The following MDGA2 variants were observed in gnomAD, a reference collection of about 807,000 sequenced individuals.
MDGA2 encodes MAM domain-containing glycosylphosphatidylinositol anchor protein 2.
MDGA2 carries 40 observed loss-of-function variants against 117.8 expected under a neutral mutation model. The observed-to-expected ratio is 0.34, with a 90% CI of 0.26 to 0.44. The LOEUF is 0.44. Ranked by LOEUF, MDGA2 falls within the 20% of genes least tolerant of loss-of-function variation. The pLI is 1.00. For missense variants in MDGA2, 1,123 were observed against 1,250.6 expected (o/e 0.90, Z 1.54); for synonymous variants, 452 against 439.0 (o/e 1.03, Z -0.37).
At chr14:47,272,183 C>T (rs898861140) in intron 2 of MDGA2, among the ~76,000 whole-genome samples, 3 of 151,866 alleles carry the variant, frequency 2.0e-5, no homozygotes, top group East Asian at 2.0e-4. Context: ...TTGTTAATTT[C>T]GTTGAGACCT....
intron 1 of MDGA2, among the ~76,000 whole-genome samples, chr14:47,612,571 T>G (rs1031047851): frequency 5.9e-5 from 9 of 152,172 alleles, no homozygotes; most frequent in Admixed American, 1.3e-4. Flanking sequence ...TGATCTGTCT[T>G]TCAACTTCTC....
chr14:47,335,745 T>TATATATATATATATACACACATAC, intron 1 of MDGA2, among the ~76,000 whole-genome samples: 1 of 95,544 alleles, frequency 1.0e-5, no homozygotes, highest in African/African-American at 4.3e-5. Flanking sequence ...TATATATATA[T>TATATATATATATATACACACATAC]ATACATACAT....
rs1048997606 is a variant in MDGA2 at position 47,318,419 on chromosome 14, C to T, written c.281-16869G>A. ...CCTTTCCACTAATCTAATTGCTTAC[C>T]TAAAACTCAGCTCCAGTGTCCCCTC... On this transcript the variant is annotated intron_variant, in intron 1 of 16. Coordinates refer to ENST00000399232, the MANE Select transcript of MDGA2 (RefSeq NM_001113498.3). Among the ~76,000 whole-genome samples, 44 of 152,030 alleles carry T rather than the reference C, an allele frequency of 2.9e-4. 1 individual carries two copies. The highest frequency in any genetic ancestry group is 7.4e-5 in the Non-Finnish European group (5 of 68,012).
At chr14:47,496,801 C>T (rs1035003763) in intron 1 of MDGA2, among the ~76,000 whole-genome samples, 1 of 150,938 alleles carries the variant, frequency 6.6e-6, no homozygotes, top group Admixed American at 6.6e-5. Context: ...TACATATATG[C>T]TCAGTAAAAT....
At chr14:47,380,827 T>A (rs990444330) in intron 1 of MDGA2, among the ~76,000 whole-genome samples, 35 of 151,860 alleles carry the variant, frequency 2.3e-4, no homozygotes, top group African/African-American at 8.5e-4. Flanking sequence ...TTCCAATGAA[T>A]AGAAAAAGAG....
At chr14:47,162,884 AAATCTAGCACGT>A (rs1344001561) in intron 3 of MDGA2, among the ~76,000 whole-genome samples, 1 of 152,218 alleles carries the variant, frequency 6.6e-6, no homozygotes, top group Admixed American at 6.5e-5. Flanking sequence ...CAGTATCACC[AAATCTAGCACGT>A]ATATGTGTAT....
At chr14:47,155,470 C>T (rs1220639533) in intron 3 of MDGA2, among the ~76,000 whole-genome samples, 1 of 152,114 alleles carries the variant, frequency 6.6e-6, no homozygotes, top group Non-Finnish European at 1.5e-5. Flanking sequence ...CAGTTCCTCG[C>T]GTCTCCAAGA....
intron 1 of MDGA2, among the ~76,000 whole-genome samples, chr14:47,405,505 T>A (rs1892242801): frequency 6.6e-6 from 1 of 152,196 alleles, no homozygotes; most frequent in Non-Finnish European, 1.5e-5. Context: ...AGGGGAGTAG[T>A]AATGTTAAGC....
chr14:47,618,609 G>C (rs935435713), intron 1 of MDGA2, among the ~76,000 whole-genome samples: 1 of 152,040 alleles, frequency 6.6e-6, no homozygotes, highest in Non-Finnish European at 1.5e-5. Flanking sequence ...TCTGAATGCC[G>C]CATCTAATAT....
At chr14:46,997,679 A>G (rs1887345701) in intron 8 of MDGA2, among the ~76,000 whole-genome samples, 1 of 152,148 alleles carries the variant, frequency 6.6e-6, no homozygotes, top group African/African-American at 2.4e-5. Flanking sequence ...GCTGCCAAAA[A>G]TGCATTTATA....
chr14:47,069,640 T>G (rs185373630), intron 6 of MDGA2, among the ~76,000 whole-genome samples: 19 of 152,316 alleles, frequency 1.2e-4, no homozygotes, highest in African/African-American at 4.3e-4. Flanking sequence ...TTGCCGTAAT[T>G]AGAAGCCATG....
rs548181019 is a variant in MDGA2 at position 47,333,101 on chromosome 14, A to G, written c.281-31551T>C. ...TTGCTGTTGTGAATATTGCTGCGAT[A>G]AACATACCAAATGCAGGTAACTTTT... On this transcript the variant is annotated intron_variant, in intron 1 of 16. Transcript: ENST00000399232. 2.4e-4 allele frequency among the ~76,000 whole-genome samples: 36 copies of G among 151,082 alleles called. No individual in the cohort carries two copies. The Middle Eastern group carries it at 0.01, about 44-fold the overall frequency.
At chr14:47,424,758 T>G (rs1321368635) in intron 1 of MDGA2, among the ~76,000 whole-genome samples, 5 of 152,206 alleles carry the variant, frequency 3.3e-5, no homozygotes, top group Non-Finnish European at 7.3e-5. Context: ...ATGTTTCTCT[T>G]TTCCATAAGA....
chr14:47,617,351 C>G (rs1372788195), intron 1 of MDGA2, among the ~76,000 whole-genome samples: 2 of 151,796 alleles, frequency 1.3e-5, no homozygotes, highest in Non-Finnish European at 1.5e-5. Context: ...ATTACAGGTG[C>G]CCACCACCAC....
intron 1 of MDGA2, among the ~76,000 whole-genome samples, chr14:47,596,314 A>G (rs1450630992): frequency 6.6e-6 from 1 of 152,218 alleles, no homozygotes; most frequent in Non-Finnish European, 1.5e-5. Flanking sequence ...ACTAACTTTA[A>G]GCATTTGACT....
At chr14:47,651,554 T>A (rs570996400) in intron 1 of MDGA2, among the ~76,000 whole-genome samples, 1 of 152,012 alleles carries the variant, frequency 6.6e-6, no homozygotes, top group Non-Finnish European at 1.5e-5. Flanking sequence ...GGCTTTCAAA[T>A]CAGAAGAGTG....
chr14:47,457,714 T>TA (rs1566466701), intron 1 of MDGA2, among the ~76,000 whole-genome samples: 1 of 152,032 alleles, frequency 6.6e-6, no homozygotes, highest in Admixed American at 6.6e-5. Flanking sequence ...TTTCCTTTTT[T>TA]AAAAAAATCT....
chr14:47,654,029 ATT>A (rs1286168637), intron 1 of MDGA2, among the ~76,000 whole-genome samples: 2 of 152,196 alleles, frequency 1.3e-5, no homozygotes, highest in Non-Finnish European at 2.9e-5. Context: ...GTTTGTGGTA[ATT>A]TGTTACAAAA....
chr14:46,873,704 T>C (rs1270869182), intron 13 of MDGA2, 113 bp from the exon 14 acceptor site: 1 of 940,400 alleles, frequency 1.1e-6, no homozygotes, highest in African/African-American at 1.7e-5. Flanking sequence ...ATAGGAAGAT[T>C]TGCATCTCAT....
Sources: gnomAD v4.1 joint callset for allele counts (sites outside exome capture counted in the v4.1 genomes callset) on GRCh38, gnomAD v4.1.1 for gene constraint, MANE v1.5 for transcripts, NCBI Gene and HGNC (gene_info 2026-07-23, HGNC 2026-07-21) for gene names.